The following CADM1 variants were observed in gnomAD, a reference collection of about 807,000 sequenced individuals.
CADM1 encodes the protein cell adhesion molecule 1, also known as TSLC-1.
CADM1 carries 15 observed loss-of-function variants against 53.1 expected under a neutral mutation model. The ratio of observed to expected loss-of-function variants is 0.28; its 90% CI spans 0.19 to 0.44. The LOEUF is 0.44. Among genes scored for constraint, CADM1 ranks in the 20% least tolerant of loss-of-function variants. The probability of loss-of-function intolerance (pLI) is 1.00; values close to 1 mark genes in which losing one functional copy is unlikely to be tolerated. For synonymous variants in CADM1, 281 were observed against 243.0 expected (o/e 1.16, Z -1.45); for missense variants, 434 against 611.3 (o/e 0.71, Z 3.06).
intron 1 of CADM1, among the ~76,000 whole-genome samples, chr11:115,246,580 A>G (rs1942414046): frequency 6.6e-6 from 1 of 152,208 alleles, no homozygotes; most frequent in African/African-American, 2.4e-5. Context: ...GCCTGAAATC[A>G]TATGACAAGC....
chr11:115,351,134 C>A (rs199756744), intron 1 of CADM1, among the ~76,000 whole-genome samples: 2 of 151,662 alleles, frequency 1.3e-5, no homozygotes. Flanking sequence ...AGGAAACAAA[C>A]AAAAAAAAGT....
At chr11:115,203,907 C>G (rs918608487) in intron 8 of CADM1, among the ~76,000 whole-genome samples, 1 of 152,086 alleles carries the variant, frequency 6.6e-6, no homozygotes, top group African/African-American at 2.4e-5. Context: ...AAAATGGACA[C>G]ATACTTTTTG....
rs371542837 is a variant in CADM1 at position 115,240,383 on chromosome 11, C to T, written c.162G>A (p.Val54=). 1.9e-6 allele frequency: 3 copies of T among 1,613,736 alleles called. No homozygotes were observed. The South Asian group carries it at 3.3e-5, about 18-fold the overall frequency. The change falls in exon 2 of 12, where the codon GTG becomes GTA. Residue 54 remains valine, a synonymous_variant. Transcript: ENST00000331581. ...TGATGGTCGCAACCTCTCCCTCGAT[C>T]ACTGTCACGTCTTTCGTAAACAGAT... ...GQNLFTKDVT[V]IEGEVATISC...
intron 1 of CADM1, among the ~76,000 whole-genome samples, chr11:115,388,687 C>T (rs2135175652): frequency 6.6e-6 from 1 of 152,200 alleles, no homozygotes; most frequent in African/African-American, 2.4e-5. Flanking sequence ...GACAAAACAT[C>T]AAACTCAAAA....
intron 1 of CADM1, among the ~76,000 whole-genome samples, chr11:115,253,268 G>A (rs899910720): frequency 1.3e-5 from 2 of 152,132 alleles, no homozygotes; most frequent in African/African-American, 2.4e-5. Flanking sequence ...TGTTTCCCTC[G>A]AATGCTGGCT....
At chr11:115,456,322 T>C (rs1948683283) in intron 1 of CADM1, among the ~76,000 whole-genome samples, 1 of 151,604 alleles carries the variant, frequency 6.6e-6, no homozygotes, top group South Asian at 2.1e-4. Flanking sequence ...AAAAAAAAAC[T>C]GCATATAAAG....
rs541209351 is a variant in CADM1 at position 115,471,725 on chromosome 11, G to A, written c.124+32546C>T. Among the ~76,000 whole-genome samples, 4 of 152,188 alleles carry A rather than the reference G, an allele frequency of 2.6e-5. No individual in the cohort carries two copies. The East Asian group carries it at 7.7e-4, about 29-fold the overall frequency. ...CACAATATGGGCTGAGATCGGAGGA[G>A]AGATGGAGTTTGTTGACTGGAGTGA... On this transcript the variant is annotated intron_variant, in intron 1 of 11. Transcript: ENST00000331581.
intron 9 of CADM1, among the ~76,000 whole-genome samples, chr11:115,197,115 C>G (rs1565291304): frequency 6.6e-6 from 1 of 152,098 alleles, no homozygotes; most frequent in Admixed American, 6.5e-5. Flanking sequence ...TGCTCAGTAC[C>G]CAAGTTCGTT....
chr11:115,338,877 A>ATTTTTTTTTTTTTTAT (rs56300408), intron 1 of CADM1, among the ~76,000 whole-genome samples: 4 of 127,712 alleles, frequency 3.1e-5, no homozygotes, highest in South Asian at 2.5e-4. Context: ...TATTTTTTTT[A>ATTTTTTTTTTTTTTAT]TTTTTTTTTT....
At chr11:115,439,106 T>C (rs1196879499) in intron 1 of CADM1, among the ~76,000 whole-genome samples, 2 of 152,226 alleles carry the variant, frequency 1.3e-5, no homozygotes, top group Non-Finnish European at 2.9e-5. Context: ...AAAAGACTTT[T>C]GAAACATGCG....
chr11:115,389,227 C>T (rs1420233109), intron 1 of CADM1, among the ~76,000 whole-genome samples: 2 of 152,060 alleles, frequency 1.3e-5, no homozygotes, highest in African/African-American at 4.8e-5. Flanking sequence ...AAAATGAATA[C>T]GGGTATACAT....
At chr11:115,404,885 T>C (rs1178904052) in intron 1 of CADM1, among the ~76,000 whole-genome samples, 1 of 136,900 alleles carries the variant, frequency 7.3e-6, no homozygotes, top group Admixed American at 7.2e-5. Flanking sequence ...AATAATCCAA[T>C]AGAAAAACAG....
At chr11:115,190,784 A>ACTG (rs1939811156) in intron 10 of CADM1, 104 bp downstream of exon 10, 1 of 947,632 alleles carries the variant, frequency 1.1e-6, no homozygotes, top group Non-Finnish European at 1.6e-6. Context: ...TTAGTCTCAA[A>ACTG]ATCCACACTG....
chr11:115,255,840 C>G (rs1488601145), intron 1 of CADM1, among the ~76,000 whole-genome samples: 1 of 152,180 alleles, frequency 6.6e-6, no homozygotes. Context: ...GAGCAATGCA[C>G]AGATGAAAAA....
chr11:115,190,980 C>T, intron 9 of CADM1, 39 bp from the exon 10 acceptor site: 1 of 1,527,204 alleles, frequency 6.5e-7, no homozygotes, highest in South Asian at 1.2e-5. Context: ...TTTCATTCCT[C>T]GAGGGACATA....
chr11:115,476,560 C>T (rs1055782696), intron 1 of CADM1, among the ~76,000 whole-genome samples: 14 of 152,154 alleles, frequency 9.2e-5, no homozygotes, highest in South Asian at 2.1e-4. Flanking sequence ...GCCAGGAGCA[C>T]GCTGCGTGGT....
chr11:115,410,144 T>C (rs1276736934), intron 1 of CADM1, among the ~76,000 whole-genome samples: 1 of 152,234 alleles, frequency 6.6e-6, no homozygotes, highest in Non-Finnish European at 1.5e-5. Context: ...TGCTGCACAA[T>C]GTTTTGAGCA....
At chr11:115,406,360 AC>A (rs1947311992) in intron 1 of CADM1, among the ~76,000 whole-genome samples, 1 of 151,920 alleles carries the variant, frequency 6.6e-6, no homozygotes. Context: ...GATTTTTAAA[AC>A]AAAACAATTA....
intron 1 of CADM1, among the ~76,000 whole-genome samples, chr11:115,340,658 A>ATATTTTTT (rs60532835): frequency 1.7e-4 from 6 of 34,942 alleles, no homozygotes; most frequent in Admixed American, 5.4e-4. Context: ...ATATATATAT[A>ATATTTTTT]TTTTTTTTTT....
Sources: allele counts gnomAD v4.1 joint callset (sites outside exome capture counted in the v4.1 genomes callset), GRCh38; gene constraint gnomAD v4.1.1; transcripts MANE v1.5; gene names NCBI Gene and HGNC (gene_info 2026-07-23, HGNC 2026-07-21).